Variants in MAGI1 observed in about 807,000 individuals in gnomAD.
MAGI1 encodes the protein membrane associated guanylate kinase, WW and PDZ domain containing 1.
In MAGI1, 58 loss-of-function variants were observed where a neutral mutation model predicts 139.9. The observed-to-expected ratio is 0.41, with a 90% CI of 0.34 to 0.52. The LOEUF (loss-of-function observed/expected upper bound fraction) is 0.52, where lower values mean the gene tolerates loss of function less well. Ranked by LOEUF, MAGI1 falls within the 20% of genes least tolerant of loss-of-function variation. The pLI is 0.12. For missense variants in MAGI1, 1,874 were observed against 1,901.6 expected, an observed-to-expected ratio of 0.99 and a Z score of 0.27; for synonymous variants, 812 against 737.9, an observed-to-expected ratio of 1.10 and a Z score of -1.63.
chr3:66,035,633 A>G (rs565733868), intron 1 of MAGI1, among the ~76,000 whole-genome samples: 4 of 152,134 alleles, frequency 2.6e-5, no homozygotes, highest in Non-Finnish European at 5.9e-5. Flanking sequence ...CAGGCCATTC[A>G]GGTTTCCCAA....
chr3:65,366,958 G>A lies in MAGI1; in HGVS notation c.3197-2012C>T, dbSNP rs139039420. Among the ~76,000 whole-genome samples the A allele has an allele frequency of 2.1e-3, 320 of 152,306 alleles. 2 individuals carry two copies. Among genetic ancestry groups the A allele is most frequent in the Middle Eastern group, 6.8e-3 (2 of 292 alleles). On this transcript the variant is annotated intron_variant, in intron 18 of 22. Coordinates refer to ENST00000402939, the MANE Select transcript of MAGI1 (RefSeq NM_001033057.2). The stretch of plus-strand genomic sequence containing the variant: ...AGTTAACCAGCAGAACCAAGGTGAT[G>A]AATCAGTGATATTTTATAAAGTACG...
chr3:65,886,840 G>C (rs925163332), intron 1 of MAGI1, among the ~76,000 whole-genome samples: 2 of 152,184 alleles, frequency 1.3e-5, no homozygotes, highest in African/African-American at 4.8e-5. Context: ...CTATATGTTG[G>C]CTGATACACA....
chr3:65,535,455 AG>A, intron 2 of MAGI1, among the ~76,000 whole-genome samples: 1 of 152,352 alleles, frequency 6.6e-6, no homozygotes, highest in East Asian at 1.9e-4. Flanking sequence ...GAAGCTGTAT[AG>A]ATTCAACCCT....
At chr3:65,382,651 C>T (rs1446426692) in intron 15 of MAGI1, among the ~76,000 whole-genome samples, 1 of 152,148 alleles carries the variant, frequency 6.6e-6, no homozygotes, top group Non-Finnish European at 1.5e-5. Context: ...TTCCAGCAGA[C>T]AATAATGCTA....
At chr3:65,593,403 G>T (rs1485829887) in intron 2 of MAGI1, among the ~76,000 whole-genome samples, 2 of 147,700 alleles carry the variant, frequency 1.4e-5, no homozygotes, top group South Asian at 4.5e-4. Flanking sequence ...GTGAAGGATG[G>T]GGGGGAAAGG....
chr3:65,391,930 T>C (rs2106999030), intron 13 of MAGI1, among the ~76,000 whole-genome samples: 1 of 152,364 alleles, frequency 6.6e-6, no homozygotes, highest in South Asian at 2.1e-4. Context: ...CTGGTATTTC[T>C]AGGTGTAGAA....
intron 1 of MAGI1, among the ~76,000 whole-genome samples, chr3:65,725,101 T>A (rs2033458725): frequency 6.6e-6 from 1 of 152,350 alleles, no homozygotes; most frequent in Non-Finnish European, 1.5e-5. Flanking sequence ...TATTTCAATA[T>A]GCTTAGAAGG....
chr3:65,751,192 G>C (rs1455761266), intron 1 of MAGI1, among the ~76,000 whole-genome samples: 1 of 152,164 alleles, frequency 6.6e-6, no homozygotes, highest in Non-Finnish European at 1.5e-5. Flanking sequence ...AGATGAGAAA[G>C]GTATCGATCC....
chr3:65,477,716 T>A (rs941546800), intron 4 of MAGI1, among the ~76,000 whole-genome samples: 19 of 146,494 alleles, frequency 1.3e-4, no homozygotes, highest in South Asian at 4.3e-4. Context: ...TTATTATTTT[T>A]TTTTTTTTAT....
At chr3:65,980,107 G>T (rs2065490485) in intron 1 of MAGI1, among the ~76,000 whole-genome samples, 1 of 152,196 alleles carries the variant, frequency 6.6e-6, no homozygotes, top group African/African-American at 2.4e-5. Context: ...AACAGTGGTG[G>T]CTTTAAGGTC....
intron 1 of MAGI1, among the ~76,000 whole-genome samples, chr3:65,991,473 T>A (rs1241078093): frequency 6.6e-6 from 1 of 152,132 alleles, no homozygotes; most frequent in Admixed American, 6.5e-5. Context: ...AGTGTCAGTG[T>A]ACTTATGAAA....
intron 13 of MAGI1, among the ~76,000 whole-genome samples, chr3:65,399,174 A>G (rs1254260445): frequency 6.6e-6 from 1 of 152,190 alleles, no homozygotes; most frequent in East Asian, 1.9e-4. Flanking sequence ...GTCACAACCC[A>G]GGTACAATCA....
chr3:65,608,754 G>C (rs867278743), intron 2 of MAGI1, among the ~76,000 whole-genome samples: 2 of 152,212 alleles, frequency 1.3e-5, no homozygotes, highest in South Asian at 4.2e-4. Context: ...AACATATGAC[G>C]ACACTGTAAT....
intron 13 of MAGI1, among the ~76,000 whole-genome samples, chr3:65,395,524 C>A (rs929723328): frequency 6.7e-6 from 1 of 150,264 alleles, no homozygotes; most frequent in Non-Finnish European, 1.5e-5. Flanking sequence ...CACCTGTAAT[C>A]CCAGCTACTT....
intron 2 of MAGI1, among the ~76,000 whole-genome samples, chr3:65,510,831 C>G: frequency 6.9e-6 from 1 of 145,872 alleles, no homozygotes; most frequent in African/African-American, 2.5e-5. Flanking sequence ...TCGAGAAGAG[C>G]AACTCCAAGA....
chr3:65,928,028 T>C (rs1234689382), intron 1 of MAGI1, among the ~76,000 whole-genome samples: 4 of 152,212 alleles, frequency 2.6e-5, no homozygotes, highest in Non-Finnish European at 4.4e-5. Flanking sequence ...CCCCTCACTC[T>C]GTTCTTTTTT....
chr3:65,553,957 G>C (rs2079970766), intron 2 of MAGI1, among the ~76,000 whole-genome samples: 1 of 152,148 alleles, frequency 6.6e-6, no homozygotes, highest in African/African-American at 2.4e-5. Flanking sequence ...AAATCATTTG[G>C]ACTACAGTAG....
chr3:65,838,259 C>A (rs1048175055), intron 1 of MAGI1, among the ~76,000 whole-genome samples: 1 of 152,080 alleles, frequency 6.6e-6, no homozygotes, highest in African/African-American at 2.4e-5. Flanking sequence ...TTGCAGTGAG[C>A]CGAGATCCCG....
chr3:65,484,395 A>G (rs1951487805), intron 3 of MAGI1, among the ~76,000 whole-genome samples: 1 of 152,146 alleles, frequency 6.6e-6, no homozygotes, highest in Admixed American at 6.5e-5. Flanking sequence ...GGTAGTGACC[A>G]CCTATGGCTG....
Sources: allele counts gnomAD v4.1 joint callset (sites outside exome capture counted in the v4.1 genomes callset), GRCh38; gene constraint gnomAD v4.1.1; transcripts MANE v1.5; gene names NCBI Gene and HGNC (gene_info 2026-07-23, HGNC 2026-07-21).